Variants in TMEM217 observed in about 807,000 individuals in gnomAD.
TMEM217 encodes chromosome 6 open reading frame 128.
For missense variants in TMEM217, 204 were observed against 248.8 expected (o/e 0.82, Z 1.21); for synonymous variants, 76 against 88.3 (o/e 0.86, Z 0.78).
downstream of TMEM217, among the ~76,000 whole-genome samples, chr6:37,213,548 A>G (rs1045676544): frequency 1.3e-5 from 2 of 152,230 alleles, no homozygotes; most frequent in Non-Finnish European, 2.9e-5. Flanking sequence ...GGAATGGGTA[A>G]AGGTTTATGG....
chr6:37,257,869 G>A, exon 1 of TMEM217: 1 of 1,596,672 alleles, frequency 6.3e-7, no homozygotes, highest in Non-Finnish European at 8.5e-7. Flanking sequence ...GGGGCATCTC[G>A]CCGGGCAAAC....
intron 1 of TMEM217, among the ~76,000 whole-genome samples, chr6:37,249,014 G>C (rs1400689770): frequency 6.6e-6 from 1 of 152,136 alleles, no homozygotes; most frequent in Non-Finnish European, 1.5e-5. Flanking sequence ...TGCCTCTGTG[G>C]TCACACTGCC....
exon 2 of TMEM217, chr6:37,218,289 C>T: frequency 8.3e-7 from 1 of 1,205,862 alleles, no homozygotes; most frequent in Non-Finnish European, 1.1e-6. Context: ...CAGTCTCAGC[C>T]TCTCAAGTGG....
At chr6:37,221,831 C>T (rs1377588090) in intron 1 of TMEM217, among the ~76,000 whole-genome samples, 1 of 152,200 alleles carries the variant, frequency 6.6e-6, no homozygotes, top group Non-Finnish European at 1.5e-5. Context: ...AGGAGACTCG[C>T]AGTGGGTAGC....
At chr6:37,242,612 AC>A (rs1764826481) in intron 1 of TMEM217, among the ~76,000 whole-genome samples, 1 of 152,172 alleles carries the variant, frequency 6.6e-6, no homozygotes, top group Non-Finnish European at 1.5e-5. Flanking sequence ...AAATCACACT[AC>A]TTCATACAAA....
In TMEM217 at chr6:37,218,867, A is replaced by T; in HGVS notation, c.164T>A (p.Ile55Asn). The change falls in exon 2 of 2, where the codon ATC becomes AAC. Residue 55 changes from isoleucine to asparagine, a missense_variant. Coordinates refer to ENST00000357219, the Ensembl canonical transcript of TMEM217. ...CCAGCAGATGATGAAGTTATTTATG[A>T]TGTTACTTGCACCCCTGTACTTTGG... The T allele has an allele frequency of 6.2e-7, 1 of 1,614,164 alleles. No individual in the cohort carries two copies. Among genetic ancestry groups the T allele is most frequent in the Non-Finnish European group, 8.5e-7 (1 of 1,180,034 alleles).
At chr6:37,230,744 A>AGCAAACC (rs1159355254) in intron 1 of TMEM217, among the ~76,000 whole-genome samples, 4 of 152,190 alleles carry the variant, frequency 2.6e-5, no homozygotes, top group Non-Finnish European at 5.9e-5. Context: ...TAGAAGCCCT[A>AGCAAACC]GCAAACCAAT....
intron 1 of TMEM217, among the ~76,000 whole-genome samples, chr6:37,226,259 TA>T (rs1177096671): frequency 7.3e-5 from 11 of 150,058 alleles, no homozygotes; most frequent in African/African-American, 1.2e-4. Flanking sequence ...TGTTTTGTTT[TA>T]TTTTGTTTTT....
chr6:37,217,561 T>C (rs1763278960), downstream of TMEM217: 2 of 855,926 alleles, frequency 2.3e-6, no homozygotes. Flanking sequence ...GTTTAACATA[T>C]ATCTTTGATT....
chr6:37,217,652 C>T (rs1763285533), exon 2 of TMEM217: 1 of 985,228 alleles, frequency 1.0e-6, no homozygotes. Context: ...TGAATTTTCT[C>T]TATTTTTATT....
At chr6:37,235,705 G>T (rs1764465338) in intron 1 of TMEM217, among the ~76,000 whole-genome samples, 1 of 152,170 alleles carries the variant, frequency 6.6e-6, no homozygotes, top group Non-Finnish European at 1.5e-5. Context: ...GAAAGTCCAA[G>T]ATCAAGGCAC....
chr6:37,247,323 G>A (rs1296353699), intron 1 of TMEM217, among the ~76,000 whole-genome samples: 2 of 152,042 alleles, frequency 1.3e-5, no homozygotes, highest in Non-Finnish European at 2.9e-5. Context: ...ACAGAAACAC[G>A]AGTGGGGAAA....
intron 1 of TMEM217, among the ~76,000 whole-genome samples, chr6:37,230,746 C>T (rs767475354): frequency 6.6e-6 from 1 of 152,166 alleles, no homozygotes; most frequent in African/African-American, 2.4e-5. Flanking sequence ...GAAGCCCTAG[C>T]AAACCAATAA....
At chr6:37,237,563 A>G (rs1320311292) in intron 1 of TMEM217, among the ~76,000 whole-genome samples, 1 of 152,236 alleles carries the variant, frequency 6.6e-6, no homozygotes, top group African/African-American at 2.4e-5. Context: ...CAAAGCTTGA[A>G]TGTAACAGAA....
exon 4 of TMEM217, chr6:37,212,190 GTAAGCACAAGGCCAC>G (rs1038045479): frequency 1.3e-5 from 4 of 303,730 alleles, no homozygotes; most frequent in African/African-American, 2.2e-5. Context: ...AGATGGTTAA[GTAAGCACAAGGCCAC>G]ATATCATTAA....
chr6:37,231,963 C>A (rs1183570987), intron 1 of TMEM217, among the ~76,000 whole-genome samples: 1 of 151,924 alleles, frequency 6.6e-6, no homozygotes, highest in Non-Finnish European at 1.5e-5. Context: ...AAATCAGAAT[C>A]TCTGGAGGTG....
intron 1 of TMEM217, among the ~76,000 whole-genome samples, chr6:37,255,310 G>A (rs1183197052): frequency 6.6e-6 from 1 of 152,154 alleles, no homozygotes; most frequent in Non-Finnish European, 1.5e-5. Context: ...TAAGGAGCTT[G>A]GATTTTATGC....
chr6:37,231,613 GGT>G (rs1224374029), intron 1 of TMEM217, among the ~76,000 whole-genome samples: 2 of 148,146 alleles, frequency 1.4e-5, no homozygotes, highest in Non-Finnish European at 3.0e-5. Context: ...GTGGGGTTGC[GGT>G]GAGCCGAGAT....
At chr6:37,253,943 A>G (rs943813333) in intron 1 of TMEM217, among the ~76,000 whole-genome samples, 7 of 152,190 alleles carry the variant, frequency 4.6e-5, no homozygotes, top group African/African-American at 7.2e-5. Flanking sequence ...TCCCTTAACT[A>G]TACTTTGCCA....
Sources: gnomAD v4.1 joint callset for allele counts (sites outside exome capture counted in the v4.1 genomes callset) on GRCh38, gnomAD v4.1.1 for gene constraint, MANE v1.5 for transcripts, NCBI Gene and HGNC (gene_info 2026-07-23, HGNC 2026-07-21) for gene names.